Variants in DLC1 observed in about 807,000 individuals in gnomAD.
The protein encoded by DLC1 is DLC1 Rho GTPase activating protein.
In DLC1, 54 loss-of-function variants were observed where a neutral mutation model predicts 140.3. That is an observed-to-expected ratio of 0.38 (90% CI 0.31 to 0.48). The LOEUF (loss-of-function observed/expected upper bound fraction) is 0.48. Among genes scored for constraint, DLC1 ranks in the 20% least tolerant of loss-of-function variants. DLC1 has a pLI of 0.96. For missense variants in DLC1, 2,536 were observed against 1,907.0 expected (o/e 1.33, Z -6.14); for synonymous variants, 986 against 728.1 (o/e 1.35, Z -5.70).
At chr8:13,217,245 C>A (rs1469988723) in intron 5 of DLC1, among the ~76,000 whole-genome samples, 2 of 152,094 alleles carry the variant, frequency 1.3e-5, no homozygotes, top group African/African-American at 4.8e-5. Context: ...AAATATAATA[C>A]AAGACACATT....
At chr8:13,350,019 T>G (rs549106155) in intron 4 of DLC1, among the ~76,000 whole-genome samples, 1 of 152,296 alleles carries the variant, frequency 6.6e-6, no homozygotes, top group South Asian at 2.1e-4. Flanking sequence ...TCCTTTAGTC[T>G]GTGATCAGAA....
chr8:13,421,895 C>T (rs1407579378), intron 2 of DLC1, among the ~76,000 whole-genome samples: 1 of 152,126 alleles, frequency 6.6e-6, no homozygotes, highest in Admixed American at 6.6e-5. Context: ...ACATATGTAT[C>T]TAACTTGTTC....
chr8:13,238,167 T>C (rs953694526), intron 5 of DLC1, among the ~76,000 whole-genome samples: 1 of 152,094 alleles, frequency 6.6e-6, no homozygotes, highest in African/African-American at 2.4e-5. Context: ...TGTTAACATA[T>C]GTATTTTGAA....
intron 5 of DLC1, chr8:13,305,059 T>G (rs954025219): frequency 1.7e-6 from 2 of 1,210,544 alleles, no homozygotes; most frequent in African/African-American, 1.6e-5. Context: ...AACACATATC[T>G]TATTCTAACA....
At chr8:13,339,892 C>T (rs998874199) in intron 4 of DLC1, 28 of 152,194 alleles carry the variant, frequency 1.8e-4, no homozygotes, top group Admixed American at 9.2e-4. Context: ...ATTGAATGTC[C>T]GCTATGTGCT....
chr8:13,089,365 C>T (rs1277875005), intron 15 of DLC1, among the ~76,000 whole-genome samples: 6 of 151,660 alleles, frequency 4.0e-5, no homozygotes, highest in Admixed American at 1.3e-4. Context: ...TGGTGGCTCA[C>T]GCCTATAATC....
At chr8:13,478,062 G>C (rs895569815) in intron 2 of DLC1, among the ~76,000 whole-genome samples, 4 of 152,124 alleles carry the variant, frequency 2.6e-5, no homozygotes, top group Non-Finnish European at 5.9e-5. Flanking sequence ...GGTTGTTCTC[G>C]CATTGCTATA....
chr8:13,499,258 T>G lies in DLC1; in HGVS notation c.814A>C (p.Thr272Pro), dbSNP rs1206445528. 5 of 1,614,038 alleles carry G rather than the reference T, an allele frequency of 3.1e-6. No individual in the cohort carries two copies. In the South Asian group the frequency reaches 3.3e-5, roughly 11 times the overall value. Reference protein sequence around the residue: ...CTNRGLPLLKTDFGSCLLQPP... With the variant: ...CTNRGLPLLKPDFGSCLLQPP... ...TGCAGAAGGCAGCTTCCAAAATCTG[T>G]TTTTAATAATGGCAGTCCTCTGTTT... The change falls in exon 2 of 18, where the codon ACA becomes CCA. Residue 272 changes from threonine to proline, a missense_variant. By Grantham distance (38) the Thr-to-Pro change is conservative. Coordinates refer to ENST00000276297, the MANE Select transcript of DLC1 (RefSeq NM_182643.3).
intron 5 of DLC1, among the ~76,000 whole-genome samples, chr8:13,297,281 T>TAAAAAAAAAAAAAAAA (rs1563233158): frequency 0.026 from 5 of 192 alleles, no homozygotes; most frequent in Non-Finnish European, 0.076. Context: ...CCTTCATACA[T>TAAAAAAAAAAAAAAAA]TAAAAAAAAA....
intron 5 of DLC1, among the ~76,000 whole-genome samples, chr8:13,234,371 C>G (rs1474492059): frequency 6.6e-6 from 1 of 152,062 alleles, no homozygotes; most frequent in Non-Finnish European, 1.5e-5. Flanking sequence ...AAGACAAATG[C>G]AGGTTCAGTA....
chr8:13,550,165 G>C (rs1241439561), intron 1 of DLC1, among the ~76,000 whole-genome samples: 3 of 152,124 alleles, frequency 2.0e-5, no homozygotes, highest in Non-Finnish European at 4.4e-5. Flanking sequence ...AACCTGAGGG[G>C]AGGTGATTGG....
chr8:13,546,315 T>C (rs1803646183), intron 1 of DLC1, among the ~76,000 whole-genome samples: 1 of 152,132 alleles, frequency 6.6e-6, no homozygotes, highest in South Asian at 2.1e-4. Flanking sequence ...TAATTTGTTT[T>C]CTTTTAATCA....
rs188640318 is a variant in DLC1, at chr8:13,118,827, C to T, written c.1349-3170G>A. On this transcript the variant is annotated intron_variant, in intron 5 of 17. Coordinates refer to ENST00000276297, the MANE Select transcript of DLC1 (RefSeq NM_182643.3). ...AATAAAACTCTGGGTCTGTAAACAA[C>T]CCTCTCTTAAGAGAATCTGTCCATC... Among the ~76,000 whole-genome samples the T allele has an allele frequency of 2.8e-3, 423 of 152,232 alleles. 3 individuals carry two copies. The highest frequency in any genetic ancestry group is 9.3e-3 in the African/African-American group (388 of 41,528).
intron 5 of DLC1, among the ~76,000 whole-genome samples, chr8:13,162,778 C>T (rs1824810203): frequency 6.6e-6 from 1 of 152,068 alleles, no homozygotes; most frequent in South Asian, 2.1e-4. Flanking sequence ...CGTCTTTACG[C>T]CTCCCCAGCC....
At chr8:13,201,138 GAAAA>G (rs5889426) in intron 5 of DLC1, among the ~76,000 whole-genome samples, 4 of 144,036 alleles carry the variant, frequency 2.8e-5, no homozygotes, top group Non-Finnish European at 6.2e-5. Context: ...AGGAAACAAG[GAAAA>G]AAAAAAAGCC....
intron 4 of DLC1, among the ~76,000 whole-genome samples, chr8:13,388,969 A>G (rs1190546691): frequency 6.6e-6 from 1 of 151,968 alleles, no homozygotes; most frequent in Admixed American, 6.6e-5. Flanking sequence ...ATTTATATTA[A>G]TTCTGAATCC....
At chr8:13,539,278 C>A (rs924681689) in intron 1 of DLC1, among the ~76,000 whole-genome samples, 5 of 152,146 alleles carry the variant, frequency 3.3e-5, no homozygotes, top group Non-Finnish European at 7.3e-5. Context: ...CAGCTCACTG[C>A]AAGCTCTGCC....
intron 5 of DLC1, among the ~76,000 whole-genome samples, chr8:13,227,810 G>A (rs1041289875): frequency 3.3e-5 from 5 of 152,128 alleles, no homozygotes; most frequent in African/African-American, 1.2e-4. Context: ...TCACATTTGG[G>A]CATCACATAC....
chr8:13,167,928 A>G (rs1825213902), intron 5 of DLC1, among the ~76,000 whole-genome samples: 1 of 152,228 alleles, frequency 6.6e-6, no homozygotes, highest in Admixed American at 6.5e-5. Flanking sequence ...TATGACTGAC[A>G]ATGTACACCA....
Sources: gnomAD v4.1 joint callset for allele counts (sites outside exome capture counted in the v4.1 genomes callset) on GRCh38, gnomAD v4.1.1 for gene constraint, MANE v1.5 for transcripts, NCBI Gene and HGNC (gene_info 2026-07-23, HGNC 2026-07-21) for gene names.